SH3GL2: variants seen among roughly 807,000 people sequenced by gnomAD.
SH3GL2 encodes endophilin-A1.
A neutral mutation model predicts 46.0 loss-of-function variants in SH3GL2; 24 were observed. That is an observed-to-expected ratio of 0.52 (90% CI 0.38 to 0.73). The LOEUF (loss-of-function observed/expected upper bound fraction) is 0.73. Among genes scored for constraint, SH3GL2 ranks in the 30% least tolerant of loss-of-function variants. SH3GL2 has a pLI of 0.00. For missense variants in SH3GL2, 413 were observed against 424.2 expected, an observed-to-expected ratio of 0.97 and a Z score of 0.23; for synonymous variants, 196 against 147.1, an observed-to-expected ratio of 1.33 and a Z score of -2.40.
intron 1 of SH3GL2, among the ~76,000 whole-genome samples, chr9:17,605,454 G>A (rs1451892152): frequency 6.6e-6 from 1 of 152,104 alleles, no homozygotes; most frequent in Non-Finnish European, 1.5e-5. Flanking sequence ...TAGCAGGTAT[G>A]TATTGAGAAC....
chr9:17,680,670 A>G (rs1325037120), intron 1 of SH3GL2, among the ~76,000 whole-genome samples: 1 of 151,912 alleles, frequency 6.6e-6, no homozygotes, highest in South Asian at 2.1e-4. Context: ...GCCTTCTGCT[A>G]GCTTTTGAGT....
At chr9:17,590,382 A>T (rs757540345) in intron 1 of SH3GL2, 2 of 152,208 alleles carry the variant, frequency 1.3e-5, no homozygotes, top group Non-Finnish European at 2.9e-5. Flanking sequence ...TAATATTAAT[A>T]GCCTGTTATC....
At chr9:17,643,711 G>A (rs938128717) in intron 1 of SH3GL2, among the ~76,000 whole-genome samples, 2 of 152,158 alleles carry the variant, frequency 1.3e-5, no homozygotes, top group Non-Finnish European at 2.9e-5. Context: ...TAAGCTTTTT[G>A]ATGTGCTGCT....
intron 1 of SH3GL2, among the ~76,000 whole-genome samples, chr9:17,619,689 A>AAAAT (rs1554630694): frequency 6.7e-6 from 1 of 148,910 alleles, no homozygotes; most frequent in African/African-American, 2.6e-5. Flanking sequence ...AAAAAAAAAT[A>AAAAT]AAATAAAATA....
intron 1 of SH3GL2, among the ~76,000 whole-genome samples, chr9:17,625,941 A>G (rs1450644314): frequency 6.6e-6 from 1 of 152,230 alleles, no homozygotes; most frequent in Non-Finnish European, 1.5e-5. Context: ...ACCATGTGAC[A>G]GCATCGGTCT....
intron 1 of SH3GL2, among the ~76,000 whole-genome samples, chr9:17,656,414 G>A (rs548611176): frequency 7.2e-5 from 11 of 151,982 alleles, no homozygotes; most frequent in Non-Finnish European, 1.3e-4. Context: ...TACTGGAGAC[G>A]AGAGTTCCAT....
intron 1 of SH3GL2, among the ~76,000 whole-genome samples, chr9:17,734,441 A>G (rs1163280721): frequency 6.6e-6 from 1 of 152,144 alleles, no homozygotes; most frequent in East Asian, 1.9e-4. Flanking sequence ...CAGTCTTCAC[A>G]TAATTTCGTG....
intron 1 of SH3GL2, among the ~76,000 whole-genome samples, chr9:17,666,947 G>C (rs763447788): frequency 2.6e-5 from 4 of 151,988 alleles, no homozygotes; most frequent in Non-Finnish European, 5.9e-5. Flanking sequence ...AATTTTTGCT[G>C]ATCTGAAACA....
rs533909685 is a variant in SH3GL2, at chr9:17,716,058, A to G, written c.46-31008A>G. 3.9e-5 allele frequency among the ~76,000 whole-genome samples: 6 copies of G among 152,180 alleles called. No homozygotes were observed. In the East Asian group the frequency reaches 5.8e-4, roughly 15 times the overall value. ...AACTATCATAAATTGAGGACTGTCTATGTTTGTACGTGTGTATGTATATAT... is the reference window on the plus strand; with the variant it reads ...AACTATCATAAATTGAGGACTGTCTGTGTTTGTACGTGTGTATGTATATAT... On this transcript the variant is annotated intron_variant, in intron 1 of 8. Transcript: ENST00000380607.
chr9:17,786,783 C>G (rs1823970841), intron 4 of SH3GL2, among the ~76,000 whole-genome samples: 1 of 152,080 alleles, frequency 6.6e-6, no homozygotes, highest in South Asian at 2.1e-4. Flanking sequence ...ATCCAGATGC[C>G]TCCTTGGCAC....
intron 2 of SH3GL2, among the ~76,000 whole-genome samples, chr9:17,757,888 C>G (rs1046590584): frequency 6.6e-6 from 1 of 152,132 alleles, no homozygotes; most frequent in Non-Finnish European, 1.5e-5. Context: ...AAGTGCATAA[C>G]AAGGCACATT....
chr9:17,630,895 T>A (rs2134623724), intron 1 of SH3GL2, among the ~76,000 whole-genome samples: 1 of 152,256 alleles, frequency 6.6e-6, no homozygotes, highest in South Asian at 2.1e-4. Context: ...CCTTCACCCA[T>A]GGCCCTTTTC....
intron 1 of SH3GL2, among the ~76,000 whole-genome samples, chr9:17,597,623 G>A (rs1296965872): frequency 6.6e-6 from 1 of 152,130 alleles, no homozygotes; most frequent in Non-Finnish European, 1.5e-5. Flanking sequence ...TTGTTAGGTG[G>A]TTCTCTTAAG....
At chr9:17,697,997 T>C (rs1164857024) in intron 1 of SH3GL2, among the ~76,000 whole-genome samples, 1 of 152,238 alleles carries the variant, frequency 6.6e-6, no homozygotes. Flanking sequence ...GTCTGTGTGC[T>C]TGTTCTTATT....
intron 1 of SH3GL2, among the ~76,000 whole-genome samples, chr9:17,696,457 G>C (rs918687064): frequency 3.3e-5 from 5 of 152,156 alleles, no homozygotes; most frequent in Non-Finnish European, 7.3e-5. Context: ...CTGAGATGGA[G>C]TAATTTATGA....
intron 1 of SH3GL2, among the ~76,000 whole-genome samples, chr9:17,705,014 A>G (rs2147731): frequency 0.079 from 12,076 of 151,920 alleles, 632 homozygotes; most frequent in Admixed American, 0.14. Context: ...ACAAAGGTCT[A>G]ATATCCAGAA....
At chr9:17,759,676 A>G (rs933256655) in intron 2 of SH3GL2, among the ~76,000 whole-genome samples, 3 of 152,186 alleles carry the variant, frequency 2.0e-5, no homozygotes, top group Non-Finnish European at 4.4e-5. Flanking sequence ...TGTTATAATT[A>G]TTAAGGACAG....
chr9:17,718,880 C>T (rs570013670), intron 1 of SH3GL2, among the ~76,000 whole-genome samples: 1 of 152,160 alleles, frequency 6.6e-6, no homozygotes, highest in South Asian at 2.1e-4. Context: ...AGGGAGTGAC[C>T]ATGTGATATA....
chr9:17,622,863 C>A (rs111365988), intron 1 of SH3GL2, among the ~76,000 whole-genome samples: 1 of 152,088 alleles, frequency 6.6e-6, no homozygotes, highest in Non-Finnish European at 1.5e-5. Context: ...GACTGCCAAT[C>A]CTCTGCCGCA....
Sources: allele counts gnomAD v4.1 joint callset (sites outside exome capture counted in the v4.1 genomes callset), GRCh38; gene constraint gnomAD v4.1.1; transcripts MANE v1.5; gene names NCBI Gene and HGNC (gene_info 2026-07-23, HGNC 2026-07-21).